The following CWC27 variants were observed in gnomAD, a reference collection of about 807,000 sequenced individuals.
The protein encoded by CWC27 is spliceosome-associated protein CWC27 homolog.
Under a neutral mutation model 63.6 loss-of-function variants are expected in CWC27, and 47 were observed. The observed-to-expected ratio is 0.74, with a 90% CI of 0.58 to 0.94. The LOEUF (loss-of-function observed/expected upper bound fraction) is 0.94. Among genes scored for constraint, CWC27 ranks in the 40% least tolerant of loss-of-function variants. The pLI is 0.00. For missense variants in CWC27, 495 were observed against 554.3 expected, an observed-to-expected ratio of 0.89 and a Z score of 1.07; for synonymous variants, 175 against 179.8, an observed-to-expected ratio of 0.97 and a Z score of 0.22.
chr5:65,018,381 C>A lies in CWC27; in HGVS notation c.*60C>A. 1 of 1,412,412 alleles carries A rather than the reference C, an allele frequency of 7.1e-7. No individual in the cohort carries two copies. The highest frequency in any genetic ancestry group is 1.4e-5 in the South Asian group (1 of 71,738). 87.5% of individuals were successfully genotyped at this position (1,412,412 alleles called of 1,614,324 possible). A position where few individuals can be genotyped will look rare whatever the true frequency, so the allele number is the denominator to read the frequency against. ...TGTGCCTACAATGGCCTTGTAACAG[C>A]CATTGTTCCCAACAGCATCACTTAG... On this transcript the variant is annotated 3_prime_UTR_variant, in exon 14 of 14. Coordinates refer to ENST00000381070, the MANE Select transcript of CWC27 (RefSeq NM_005869.4).
At chr5:64,928,417 T>C (rs1182063163) in intron 11 of CWC27, among the ~76,000 whole-genome samples, 1 of 152,212 alleles carries the variant, frequency 6.6e-6, no homozygotes, top group East Asian at 1.9e-4. Flanking sequence ...TTTCTTCTTC[T>C]TTTAGCAATC....
intron 11 of CWC27, among the ~76,000 whole-genome samples, chr5:64,939,471 C>A (rs1325454782): frequency 6.6e-6 from 1 of 152,190 alleles, no homozygotes; most frequent in Non-Finnish European, 1.5e-5. Flanking sequence ...AGATTGCTGC[C>A]TGTTCCTTCT....
At chr5:64,811,803 G>A (rs1447219115) in intron 10 of CWC27, among the ~76,000 whole-genome samples, 1 of 152,016 alleles carries the variant, frequency 6.6e-6, no homozygotes, top group Non-Finnish European at 1.5e-5. Context: ...GAATATTGAA[G>A]TTGAAAATAA....
intron 11 of CWC27, among the ~76,000 whole-genome samples, chr5:64,964,723 A>C (rs1327753080): frequency 1.3e-5 from 2 of 152,178 alleles, no homozygotes; most frequent in African/African-American, 4.8e-5. Flanking sequence ...TGTACCACTG[A>C]ATTAGGCAGA....
intron 13 of CWC27, among the ~76,000 whole-genome samples, chr5:65,006,135 A>T (rs932374374): frequency 1.3e-5 from 2 of 152,178 alleles, no homozygotes; most frequent in Non-Finnish European, 2.9e-5. Context: ...GTCAACAATT[A>T]TCCAGACACT....
rs180770933 is a variant in CWC27 at position 64,778,942 on chromosome 5, A to G, written c.140-2979A>G. ...GTGTACTAAATACAGTTGTTAGAAT[A>G]CAGATTATAATTTTTAAAATATGCA... On this transcript the variant is annotated intron_variant, in intron 2 of 13. Coordinates refer to ENST00000381070, the MANE Select transcript of CWC27 (RefSeq NM_005869.4). 3.4e-3 allele frequency among the ~76,000 whole-genome samples: 518 copies of G among 152,324 alleles called. 4 individuals are homozygous for G. Among genetic ancestry groups the G allele is most frequent in the African/African-American group, 0.012 (506 of 41,572 alleles).
intron 11 of CWC27, among the ~76,000 whole-genome samples, chr5:64,947,515 C>A (rs1748612808): frequency 6.6e-6 from 1 of 152,036 alleles, no homozygotes; most frequent in African/African-American, 2.4e-5. Flanking sequence ...TGTATAAGAT[C>A]TTTATGTAAA....
intron 11 of CWC27, among the ~76,000 whole-genome samples, chr5:64,891,958 C>A (rs1309080799): frequency 1.3e-5 from 2 of 152,118 alleles, no homozygotes; most frequent in Non-Finnish European, 2.9e-5. Context: ...CCACACCTGG[C>A]TGACTTTTTT....
chr5:64,782,335 C>G (rs1169016688), intron 3 of CWC27, among the ~76,000 whole-genome samples: 1 of 152,068 alleles, frequency 6.6e-6, no homozygotes, highest in Non-Finnish European at 1.5e-5. Flanking sequence ...GTATTCCCAG[C>G]TACTCAGGAG....
At chr5:64,952,272 T>C (rs1748723922) in intron 11 of CWC27, among the ~76,000 whole-genome samples, 3 of 151,974 alleles carry the variant, frequency 2.0e-5, no homozygotes, top group Admixed American at 2.0e-4. Context: ...TCCAAATAAT[T>C]TTGATCTACA....
chr5:64,854,652 T>G (rs1254630420), intron 10 of CWC27, among the ~76,000 whole-genome samples: 1 of 152,244 alleles, frequency 6.6e-6, no homozygotes, highest in East Asian at 1.9e-4. Flanking sequence ...TAATACAGTC[T>G]ATGTTCTGTG....
chr5:64,816,942 T>C (rs1414261869), intron 10 of CWC27, among the ~76,000 whole-genome samples: 1 of 152,148 alleles, frequency 6.6e-6, no homozygotes, highest in Non-Finnish European at 1.5e-5. Flanking sequence ...TTGTATTTCA[T>C]TAAGAAACAG....
intron 11 of CWC27, among the ~76,000 whole-genome samples, chr5:64,958,764 T>A (rs1271116558): frequency 6.6e-6 from 1 of 152,144 alleles, no homozygotes; most frequent in Non-Finnish European, 1.5e-5. Context: ...TGTATTATTT[T>A]ATTTTGAGAA....
chr5:64,870,870 T>A (rs180904474), intron 10 of CWC27, among the ~76,000 whole-genome samples: 5 of 152,272 alleles, frequency 3.3e-5, no homozygotes, highest in Admixed American at 3.3e-4. Flanking sequence ...ATAAACTGAA[T>A]AATTATTTGC....
rs114437822 is a variant in CWC27 at position 64,925,523 on chromosome 5, C to T, written c.1042+39977C>T. On this transcript the variant is annotated intron_variant, in intron 11 of 13. Transcript: ENST00000381070. Reference sequence around the variant, plus strand: ...CATTGTTGATTATTCTATCATGTGCCTATTTCTGAATCAATTACTATAGCT... The same window carrying T: ...CATTGTTGATTATTCTATCATGTGCTTATTTCTGAATCAATTACTATAGCT... Among the ~76,000 whole-genome samples the T allele has an allele frequency of 2.3e-3, 343 of 152,272 alleles. 1 individual carries two copies. The highest frequency in any genetic ancestry group is 7.8e-3 in the African/African-American group (326 of 41,552).
At chr5:64,827,909 C>G (rs1334309256) in intron 10 of CWC27, among the ~76,000 whole-genome samples, 1 of 152,098 alleles carries the variant, frequency 6.6e-6, no homozygotes, top group Non-Finnish European at 1.5e-5. Flanking sequence ...TTGTGCTGCC[C>G]AAGATAAGAA....
At chr5:64,840,384 AAAAAAAAAAAATATATATAT>A (rs1425441175) in intron 10 of CWC27, among the ~76,000 whole-genome samples, 1 of 67,228 alleles carries the variant, frequency 1.5e-5, no homozygotes, top group African/African-American at 6.8e-5. Flanking sequence ...AAAAAAAAAA[AAAAAAAAAAAATATATATAT>A]ATATATATAT....
At position 64,769,175 on chromosome 5, in the gene CWC27, C is replaced by A; in HGVS notation, c.29C>A (p.Pro10His). MSNIYIQEPPTNGKVLLKTT... is the reference protein window; with the variant it reads MSNIYIQEPHTNGKVLLKTT... ...AGCAACATCTACATCCAGGAGCCTC[C>A]CACGAATGGGAAGGTGAGAGCCTCA... The change falls in exon 1 of 14, where the codon CCC becomes CAC. Residue 10 changes from proline (P) to histidine (H), a missense_variant. Transcript: ENST00000381070. The A allele has an allele frequency of 6.2e-7, 1 of 1,614,030 alleles. No individual in the cohort carries two copies. The highest frequency in any genetic ancestry group is 2.2e-5 in the East Asian group (1 of 44,876).
intron 10 of CWC27, among the ~76,000 whole-genome samples, chr5:64,861,522 A>T (rs1463783861): frequency 6.6e-6 from 1 of 152,172 alleles, no homozygotes; most frequent in East Asian, 1.9e-4. Flanking sequence ...AGTTGACTAA[A>T]CATGCTTAGC....
Sources: allele counts gnomAD v4.1 joint callset (sites outside exome capture counted in the v4.1 genomes callset), GRCh38; gene constraint gnomAD v4.1.1; transcripts MANE v1.5; gene names NCBI Gene and HGNC (gene_info 2026-07-23, HGNC 2026-07-21).